FBXO42: variants seen among roughly 807,000 people sequenced by gnomAD.
FBXO42 encodes F-box protein 42.
In FBXO42, 12 loss-of-function variants were observed where a neutral mutation model predicts 71.7. The ratio of observed to expected loss-of-function variants is 0.17; its 90% CI spans 0.11 to 0.27. The LOEUF is 0.27. Among genes scored for constraint, FBXO42 ranks in the 10% least tolerant of loss-of-function variants. FBXO42 has a pLI of 1.00. For missense variants in FBXO42, 707 were observed against 911.9 expected, an observed-to-expected ratio of 0.78 and a Z score of 2.89; for synonymous variants, 325 against 327.5, an observed-to-expected ratio of 0.99 and a Z score of 0.08.
At chr1:16,266,345 C>G (rs141599475) in intron 4 of FBXO42, among the ~76,000 whole-genome samples, 1 of 152,082 alleles carries the variant, frequency 6.6e-6, no homozygotes, top group East Asian at 1.9e-4. Flanking sequence ...AACAGCTAGG[C>G]ACAGTGGCAT....
intron 6 of FBXO42, among the ~76,000 whole-genome samples, chr1:16,254,249 T>C (rs974504912): frequency 1.3e-5 from 2 of 152,182 alleles, no homozygotes; most frequent in Admixed American, 1.3e-4. Flanking sequence ...TAAAAGCAGA[T>C]GATTAAAAAA....
intron 1 of FBXO42, among the ~76,000 whole-genome samples, chr1:16,351,166 T>G (rs2082699593): frequency 6.6e-6 from 1 of 152,210 alleles, no homozygotes; most frequent in African/African-American, 2.4e-5. Context: ...TATTTTGGTG[T>G]GTCCAAGCAA....
chr1:16,258,183 A>G (rs2081666838), intron 4 of FBXO42, among the ~76,000 whole-genome samples: 1 of 152,004 alleles, frequency 6.6e-6, no homozygotes, highest in African/African-American at 2.4e-5. Context: ...CCCTGCTCAG[A>G]CTGCTTTAAT....
At chr1:16,300,045 G>T (rs1004796639) in intron 3 of FBXO42, among the ~76,000 whole-genome samples, 2 of 152,128 alleles carry the variant, frequency 1.3e-5, no homozygotes, top group Admixed American at 1.3e-4. Context: ...GGGGCAGGGA[G>T]GAAGACCCAA....
intron 4 of FBXO42, among the ~76,000 whole-genome samples, chr1:16,263,338 C>T (rs576309523): frequency 6.6e-6 from 1 of 152,110 alleles, no homozygotes; most frequent in African/African-American, 2.4e-5. Context: ...GTCCCAGCTA[C>T]TCAGGAGGCT....
chr1:16,324,127 CAAATGA>C (rs143216428), intron 1 of FBXO42, among the ~76,000 whole-genome samples: 39,091 of 151,700 alleles, frequency 0.26, 5,751 homozygotes, highest in Non-Finnish European at 0.34. Context: ...TTTATCAACT[CAAATGA>C]AAAAGTTATA....
intron 1 of FBXO42, among the ~76,000 whole-genome samples, chr1:16,333,204 TGA>T (rs1267519221): frequency 6.6e-6 from 1 of 152,160 alleles, no homozygotes; most frequent in African/African-American, 2.4e-5. Flanking sequence ...AAATATTTGT[TGA>T]GAGAGGTGGC....
intron 6 of FBXO42, among the ~76,000 whole-genome samples, chr1:16,255,080 TAGA>T (rs975807009): frequency 6.6e-6 from 1 of 152,194 alleles, no homozygotes; most frequent in African/African-American, 2.4e-5. Context: ...GGTAATAAAG[TAGA>T]ATAAGTAAAA....
At chr1:16,272,624 G>C (rs1399814273) in intron 4 of FBXO42, among the ~76,000 whole-genome samples, 2 of 152,182 alleles carry the variant, frequency 1.3e-5, no homozygotes, top group Non-Finnish European at 2.9e-5. Context: ...CAAAGGTAGA[G>C]GTGGAGAGAA....
chr1:16,283,505 T>TTTTG (rs1553151422), intron 4 of FBXO42, among the ~76,000 whole-genome samples: 5 of 136,564 alleles, frequency 3.7e-5, no homozygotes, highest in Non-Finnish European at 7.9e-5. Context: ...TTTTTTTTTT[T>TTTTG]TTTTTTTTTT....
chr1:16,350,827 T>C (rs901067476), intron 1 of FBXO42, among the ~76,000 whole-genome samples: 1 of 146,034 alleles, frequency 6.8e-6, no homozygotes, highest in African/African-American at 2.6e-5. Flanking sequence ...ACAGTTGTCA[T>C]TTTAACAATG....
At chr1:16,299,299 C>T (rs369203819) in intron 3 of FBXO42, among the ~76,000 whole-genome samples, 1 of 152,186 alleles carries the variant, frequency 6.6e-6, no homozygotes, top group Non-Finnish European at 1.5e-5. Context: ...GCACGAGCCA[C>T]CGCACCCAGC....
intron 4 of FBXO42, among the ~76,000 whole-genome samples, chr1:16,271,260 T>TGTGTGTGTTG (rs1557577438): frequency 2.9e-5 from 1 of 33,928 alleles, no homozygotes; most frequent in Non-Finnish European, 6.4e-5. Context: ...TGTGTGTTGG[T>TGTGTGTGTTG]GTGTGTGTGT....
intron 1 of FBXO42, among the ~76,000 whole-genome samples, chr1:16,348,685 A>C (rs1159269559): frequency 6.6e-6 from 1 of 152,184 alleles, no homozygotes; most frequent in Non-Finnish European, 1.5e-5. Flanking sequence ...TAGGCGATAG[A>C]GCAAGACTTG....
At chr1:16,291,135 C>A (rs926673618) in intron 4 of FBXO42, among the ~76,000 whole-genome samples, 1 of 152,170 alleles carries the variant, frequency 6.6e-6, no homozygotes, top group Admixed American at 6.5e-5. Flanking sequence ...TGTTAGAAGA[C>A]AACCTCACAA....
At chr1:16,289,344 T>C (rs2082055393) in intron 4 of FBXO42, among the ~76,000 whole-genome samples, 1 of 151,312 alleles carries the variant, frequency 6.6e-6, no homozygotes, top group African/African-American at 2.4e-5. Flanking sequence ...TTTGAGGCTA[T>C]AGTCAATTAA....
intron 1 of FBXO42, 59 bp from the exon 2 acceptor site, chr1:16,315,494 A>G: frequency 6.6e-7 from 1 of 1,517,996 alleles, no homozygotes; most frequent in Non-Finnish European, 8.9e-7. Context: ...AAAACAATTC[A>G]GGCATGTACA....
intron 4 of FBXO42, among the ~76,000 whole-genome samples, chr1:16,258,978 G>C (rs1557571316): frequency 6.6e-6 from 1 of 152,118 alleles, no homozygotes; most frequent in South Asian, 2.1e-4. Context: ...GGCCTCAAGC[G>C]ATCCTCCCGC....
chr1:16,344,234 G>A (rs886614599), intron 1 of FBXO42, among the ~76,000 whole-genome samples: 1 of 151,626 alleles, frequency 6.6e-6, no homozygotes, highest in African/African-American at 2.4e-5. Flanking sequence ...CTGACCTCAA[G>A]TGATCCACCC....
Sources: gnomAD v4.1 joint callset for allele counts (sites outside exome capture counted in the v4.1 genomes callset) on GRCh38, gnomAD v4.1.1 for gene constraint, MANE v1.5 for transcripts, NCBI Gene and HGNC (gene_info 2026-07-23, HGNC 2026-07-21) for gene names.